The following GRM8 variants were observed in gnomAD, a reference collection of about 807,000 sequenced individuals.
GRM8 encodes metabotropic glutamate receptor 8.
GRM8 carries 47 observed loss-of-function variants against 87.2 expected under a neutral mutation model. That is an observed-to-expected ratio of 0.54 (90% confidence interval 0.43 to 0.69). GRM8 has a LOEUF of 0.69. GRM8 is among the 30% of genes least tolerant of loss of function. The pLI, the probability that GRM8 is intolerant of heterozygous loss-of-function variation, is 0.00. For missense variants in GRM8, 1,019 were observed against 1,139.2 expected, an observed-to-expected ratio of 0.89 and a Z score of 1.52; for synonymous variants, 396 against 404.5, an observed-to-expected ratio of 0.98 and a Z score of 0.25.
At chr7:126,872,470 G>A (rs891378959) in intron 6 of GRM8, among the ~76,000 whole-genome samples, 11 of 151,970 alleles carry the variant, frequency 7.2e-5, no homozygotes, top group Admixed American at 5.9e-4. Context: ...CGTTGTTTAG[G>A]GTACCCTAAA....
chr7:127,044,952 T>A (rs1473042496), intron 3 of GRM8, among the ~76,000 whole-genome samples: 2 of 152,220 alleles, frequency 1.3e-5, no homozygotes, highest in Non-Finnish European at 2.9e-5. Context: ...TTTTTTATTT[T>A]AAAAAAGTTG....
intron 7 of GRM8, among the ~76,000 whole-genome samples, chr7:126,654,586 A>T (rs1585389491): frequency 6.6e-6 from 1 of 152,350 alleles, no homozygotes; most frequent in South Asian, 2.1e-4. Flanking sequence ...TTAATAAATT[A>T]AATCTAAAAT....
intron 7 of GRM8, among the ~76,000 whole-genome samples, chr7:126,687,338 T>C (rs1413104887): frequency 7.2e-5 from 11 of 152,206 alleles, no homozygotes; most frequent in Non-Finnish European, 2.9e-5. Context: ...ATAAAAGAAA[T>C]CACTTTATCT....
chr7:126,641,270 G>A (rs1285732253), intron 7 of GRM8, among the ~76,000 whole-genome samples: 2 of 152,160 alleles, frequency 1.3e-5, no homozygotes. Context: ...ACCATCTACT[G>A]TTCTGAACCC....
chr7:127,125,705 G>A (rs1175244183), intron 2 of GRM8, among the ~76,000 whole-genome samples: 1 of 150,026 alleles, frequency 6.7e-6, no homozygotes, highest in Non-Finnish European at 1.5e-5. Context: ...GAAAATATTG[G>A]AAAACTATGC....
At chr7:127,077,604 T>C (rs1352200118) in intron 3 of GRM8, among the ~76,000 whole-genome samples, 1 of 152,190 alleles carries the variant, frequency 6.6e-6, no homozygotes, top group East Asian at 1.9e-4. Context: ...AGGGCCACTG[T>C]GAATACGAGA....
chr7:126,649,288 G>A lies in GRM8; in HGVS notation c.1358-39790C>T, dbSNP rs182258984. On this transcript the variant is annotated intron_variant, in intron 7 of 10. Transcript: ENST00000339582. ...AAAGGCAGACCCACCCTTAATATGG[G>A]TGGCCACCATCTAATCAGCTGCCAG... Among the ~76,000 whole-genome samples, 230 of 152,236 alleles carry A rather than the reference G, an allele frequency of 1.5e-3. 1 individual carries two copies. Among genetic ancestry groups the A allele is most frequent in the African/African-American group, 5.4e-3 (223 of 41,548 alleles).
chr7:126,485,525 T>C (rs373110343), intron 9 of GRM8, among the ~76,000 whole-genome samples: 10 of 152,082 alleles, frequency 6.6e-5, no homozygotes, highest in African/African-American at 2.4e-4. Flanking sequence ...CTAGAGGATC[T>C]TCATAGGGGC....
chr7:126,871,803 A>G (rs1404965390), intron 6 of GRM8, among the ~76,000 whole-genome samples: 2 of 152,208 alleles, frequency 1.3e-5, no homozygotes, highest in South Asian at 2.1e-4. Context: ...ACTTGAGAAT[A>G]TGAAATTAAA....
At chr7:126,572,577 T>C (rs1794775347) in intron 8 of GRM8, among the ~76,000 whole-genome samples, 1 of 152,194 alleles carries the variant, frequency 6.6e-6, no homozygotes, top group Non-Finnish European at 1.5e-5. Flanking sequence ...TTTTCTATTA[T>C]TGTTTCCAAA....
At chr7:126,482,988 G>C (rs577751112) in intron 9 of GRM8, among the ~76,000 whole-genome samples, 21 of 150,698 alleles carry the variant, frequency 1.4e-4, no homozygotes, top group African/African-American at 4.8e-4. Flanking sequence ...CCCACACTAA[G>C]AAAAACATTT....
chr7:127,129,413 C>T (rs958359176), intron 2 of GRM8, among the ~76,000 whole-genome samples: 1 of 152,172 alleles, frequency 6.6e-6, no homozygotes, highest in Non-Finnish European at 1.5e-5. Flanking sequence ...AACCAAACTT[C>T]TTGTTAGTAT....
intron 8 of GRM8, among the ~76,000 whole-genome samples, chr7:126,556,128 T>C (rs1455468342): frequency 6.6e-6 from 1 of 152,146 alleles, no homozygotes; most frequent in Non-Finnish European, 1.5e-5. Flanking sequence ...GTTACTTGAA[T>C]GAGAGACAAA....
chr7:127,233,768 A>G (rs1256708563), intron 2 of GRM8, among the ~76,000 whole-genome samples: 2 of 152,218 alleles, frequency 1.3e-5, no homozygotes, highest in Non-Finnish European at 2.9e-5. Context: ...GCCAACATTG[A>G]GAACACATGT....
In GRM8 at chr7:126,455,921, C is replaced by A. The variant is rs368503548; in HGVS notation, c.2431-9549G>T. ...TTACAAAGAGAATAATATAAACATA[C>A]AAAAATAGATCCAATAGAGCTAAAG... On this transcript the variant is annotated intron_variant, in intron 9 of 10. Transcript: ENST00000339582. Among the ~76,000 whole-genome samples, 17 of 150,150 alleles carry A rather than the reference C, an allele frequency of 1.1e-4. No individual in the cohort carries two copies. In the East Asian group the frequency reaches 2.0e-3, roughly 17 times the overall value.
intron 3 of GRM8, among the ~76,000 whole-genome samples, chr7:127,067,248 G>A (rs1348375146): frequency 6.6e-6 from 1 of 151,960 alleles, no homozygotes; most frequent in Non-Finnish European, 1.5e-5. Flanking sequence ...CATTTCTAGA[G>A]CAAAAAAATG....
intron 3 of GRM8, among the ~76,000 whole-genome samples, chr7:127,029,378 T>C (rs1245307462): frequency 6.6e-6 from 1 of 152,218 alleles, no homozygotes; most frequent in Non-Finnish European, 1.5e-5. Context: ...GTTCAAGTCC[T>C]GGATATCCTT....
chr7:126,737,194 G>C (rs114878402), intron 7 of GRM8, among the ~76,000 whole-genome samples: 5,485 of 152,032 alleles, frequency 0.036, 334 homozygotes, highest in African/African-American at 0.12. Context: ...CTATTGTAAA[G>C]CCTAAGACCA....
intron 3 of GRM8, among the ~76,000 whole-genome samples, chr7:126,937,399 G>C (rs1323749644): frequency 1.3e-5 from 2 of 152,144 alleles, no homozygotes. Flanking sequence ...CATTGCCAAA[G>C]AAAACAAAAA....
Sources: gnomAD v4.1 joint callset for allele counts (sites outside exome capture counted in the v4.1 genomes callset) on GRCh38, gnomAD v4.1.1 for gene constraint, MANE v1.5 for transcripts, NCBI Gene and HGNC (gene_info 2026-07-23, HGNC 2026-07-21) for gene names.